Variants in ARMH3 observed in about 807,000 individuals in gnomAD.
ARMH3 encodes armadillo-like helical domain-containing protein 3.
Under a neutral mutation model 99.1 loss-of-function variants are expected in ARMH3, and 60 were observed. The ratio of observed to expected loss-of-function variants is 0.61; its 90% CI spans 0.49 to 0.75. ARMH3 has a LOEUF of 0.75. Ranked by LOEUF, ARMH3 falls within the 30% of genes least tolerant of loss-of-function variation. The probability of loss-of-function intolerance (pLI) is 0.00; values close to 1 mark genes in which losing one functional copy is unlikely to be tolerated. For synonymous variants in ARMH3, 285 were observed against 292.8 expected (o/e 0.97, Z 0.27); for missense variants, 679 against 843.1 (o/e 0.81, Z 2.41).
At chr10:101,996,953 T>C (rs1847087502) in intron 15 of ARMH3, among the ~76,000 whole-genome samples, 1 of 152,014 alleles carries the variant, frequency 6.6e-6, no homozygotes, top group Non-Finnish European at 1.5e-5. Context: ...ATAAAGGCTT[T>C]AAAAGCAGGG....
chr10:101,859,562 C>T (rs2066815009), intron 24 of ARMH3, among the ~76,000 whole-genome samples: 1 of 152,204 alleles, frequency 6.6e-6, no homozygotes, highest in Non-Finnish European at 1.5e-5. Context: ...GCTATGGTTT[C>T]TCAGAAATTA....
intron 24 of ARMH3, among the ~76,000 whole-genome samples, chr10:101,857,154 A>C (rs1033546643): frequency 1.3e-5 from 2 of 152,152 alleles, no homozygotes; most frequent in Non-Finnish European, 2.9e-5. Flanking sequence ...TAATTGTCTT[A>C]TCCCTAAAAG....
At chr10:101,995,436 C>T in intron 15 of ARMH3, 81 bp from the exon 16 acceptor site, 1 of 1,179,092 alleles carries the variant, frequency 8.5e-7, no homozygotes, top group South Asian at 1.3e-5. Context: ...GGACGTATAT[C>T]ATAAAAGGAA....
chr10:101,931,215 G>A (rs1397336298), intron 23 of ARMH3, among the ~76,000 whole-genome samples: 1 of 152,186 alleles, frequency 6.6e-6, no homozygotes, highest in Non-Finnish European at 1.5e-5. Context: ...TAAGAAATCT[G>A]AGCTGTAGTT....
chr10:102,010,744 CTGAAAGGCAGAGAT>C (rs1482931578), intron 11 of ARMH3, among the ~76,000 whole-genome samples: 1 of 152,194 alleles, frequency 6.6e-6, no homozygotes, highest in Non-Finnish European at 1.5e-5. Context: ...GAAAACTTGA[CTGAAAGGCAGAGAT>C]ATCTGGGAGC....
intron 24 of ARMH3, among the ~76,000 whole-genome samples, chr10:101,879,587 G>T (rs1003947474): frequency 5.3e-5 from 8 of 151,992 alleles, no homozygotes; most frequent in African/African-American, 1.9e-4. Flanking sequence ...CCTGGCCCCA[G>T]TTGATCCGCC....
chr10:101,871,201 A>C (rs778667360), intron 24 of ARMH3, among the ~76,000 whole-genome samples: 4 of 152,228 alleles, frequency 2.6e-5, no homozygotes, highest in Non-Finnish European at 5.9e-5. Flanking sequence ...ATAAATGGAG[A>C]GGTATATTAT....
intron 15 of ARMH3, among the ~76,000 whole-genome samples, chr10:102,001,496 A>G (rs1165798586): frequency 1.3e-5 from 2 of 152,198 alleles, no homozygotes; most frequent in African/African-American, 4.8e-5. Context: ...TTGCATTTCT[A>G]GGATGGGTAT....
intron 23 of ARMH3, among the ~76,000 whole-genome samples, chr10:101,919,575 A>G (rs1170006220): frequency 6.6e-6 from 1 of 152,148 alleles, no homozygotes; most frequent in African/African-American, 2.4e-5. Flanking sequence ...GCTGAAGCAC[A>G]TGGCAAAGTT....
intron 23 of ARMH3, among the ~76,000 whole-genome samples, chr10:101,915,230 T>G (rs1169778143): frequency 6.6e-6 from 1 of 152,158 alleles, no homozygotes; most frequent in Admixed American, 6.6e-5. Flanking sequence ...GATGGGGTCT[T>G]GGTTGAGGGC....
chr10:102,025,253 G>A lies in ARMH3; in HGVS notation c.415-5C>T, dbSNP rs747674927. The A allele has an allele frequency of 3.1e-6, 5 of 1,611,752 alleles. No individual in the cohort carries two copies. The highest frequency in any genetic ancestry group is 4.2e-6 in the Non-Finnish European group (5 of 1,178,190). On this transcript the variant is annotated splice_polypyrimidine_tract_variant and splice_region_variant and intron_variant, in intron 5 of 25. Transcript: ENST00000370033. The stretch of plus-strand genomic sequence containing the variant: ...ATCCAAACTCTCCATCAAGTTCTGA[G>A]AAAGAGAACCAATAAGCATTAAACC...
At chr10:101,928,392 T>C (rs1843588236) in intron 23 of ARMH3, among the ~76,000 whole-genome samples, 1 of 152,178 alleles carries the variant, frequency 6.6e-6, no homozygotes, top group African/African-American at 2.4e-5. Context: ...AGGGCTGAGC[T>C]CAAGATTGAC....
At chr10:102,041,090 AATAT>A (rs59124276) in intron 1 of ARMH3, among the ~76,000 whole-genome samples, 1,467 of 132,622 alleles carry the variant, frequency 0.011, 34 homozygotes, top group African/African-American at 0.033. Context: ...ATATATATAT[AATAT>A]ATATATATAT....
chr10:102,023,418 G>A (rs2136167537), intron 8 of ARMH3, 59 bp downstream of exon 8: 1 of 1,457,836 alleles, frequency 6.9e-7, no homozygotes, highest in South Asian at 1.2e-5. Flanking sequence ...CCTTTAGGAG[G>A]GGCCGCATTT....
chr10:101,849,639 G>T (rs2066540276), intron 25 of ARMH3, 137 bp downstream of exon 25: 1 of 686,658 alleles, frequency 1.5e-6, no homozygotes. Flanking sequence ...GGTACAATGG[G>T]GGAGAGAAGT....
rs775301256 is a variant in ARMH3 at position 102,040,009 on chromosome 10, T to C, written c.102+4A>G. ...GCTGTACACAACAAGGCCGCAGGCCTTACCATGAAGATCTCATCATACATC... is the reference window on the plus strand; with the variant it reads ...GCTGTACACAACAAGGCCGCAGGCCCTACCATGAAGATCTCATCATACATC... On this transcript the variant is annotated splice_donor_region_variant and intron_variant, in intron 2 of 25. Transcript: ENST00000370033. The C allele has an allele frequency of 1.9e-6, 3 of 1,612,954 alleles. No homozygotes were observed. The highest frequency in any genetic ancestry group is 8.5e-7 in the Non-Finnish European group (1 of 1,178,890).
intron 8 of ARMH3, among the ~76,000 whole-genome samples, chr10:102,015,562 G>A (rs555124139): frequency 2.0e-3 from 308 of 152,124 alleles, no homozygotes; most frequent in Non-Finnish European, 3.4e-3. Flanking sequence ...AGCTAATTTT[G>A]TATTTTTAGT....
At chr10:101,892,408 G>A (rs533042850) in intron 23 of ARMH3, among the ~76,000 whole-genome samples, 6 of 152,092 alleles carry the variant, frequency 3.9e-5, no homozygotes, top group African/African-American at 9.6e-5. Flanking sequence ...GCAGTGAGTG[G>A]TGTTTGTGCT....
chr10:101,945,957 C>T (rs1844499602), intron 22 of ARMH3, among the ~76,000 whole-genome samples: 1 of 150,236 alleles, frequency 6.7e-6, no homozygotes, highest in Non-Finnish European at 1.5e-5. Context: ...GTGGCAGGCA[C>T]TTGTAATCTC....
Sources: allele counts gnomAD v4.1 joint callset (sites outside exome capture counted in the v4.1 genomes callset), GRCh38; gene constraint gnomAD v4.1.1; transcripts MANE v1.5; gene names NCBI Gene and HGNC (gene_info 2026-07-23, HGNC 2026-07-21).